Variants in SHTN1 observed in about 807,000 individuals in gnomAD.
SHTN1 encodes the protein shootin 1.
Under a neutral mutation model 83.1 loss-of-function variants are expected in SHTN1, and 42 were observed. The observed-to-expected ratio is 0.51, with a 90% CI of 0.39 to 0.65. The LOEUF (loss-of-function observed/expected upper bound fraction) is 0.65. Among genes scored for constraint, SHTN1 ranks in the 30% least tolerant of loss-of-function variants. The probability of loss-of-function intolerance (pLI) is 0.00; values close to 1 mark genes in which losing one functional copy is unlikely to be tolerated. For synonymous variants in SHTN1, 224 were observed against 247.7 expected (o/e 0.90, Z 0.90); for missense variants, 622 against 737.8 (o/e 0.84, Z 1.82).
Position 116,893,576 on chromosome 10 carries a change from G to GCGCACACACACACACACACA in SHTN1, c.1674-7011_1674-7010insTGTGTGTGTGTGTGTGTGCG, listed in dbSNP as rs1554905664. ...CCCCCTCCCTGATAGGCACTCATGT[G>GCGCACACACACACACACACA]CACACACACACACACACACACGAGA... On this transcript the variant is annotated intron_variant, in intron 16 of 16. Transcript: ENST00000355371. 4.8e-3 allele frequency among the ~76,000 whole-genome samples: 599 copies of GCGCACACACACACACACACA among 123,592 alleles called. 17 individuals carry two copies. The East Asian group carries it at 0.091, about 19-fold the overall frequency. The allele number at this position is 123,592 out of a possible 152,430, so 81.1% of individuals were successfully genotyped here. A position where few individuals can be genotyped will look rare whatever the true frequency, so the allele number is the denominator to read the frequency against.
intron 1 of SHTN1, among the ~76,000 whole-genome samples, chr10:117,065,761 A>G (rs564966460): frequency 9.1e-5 from 6 of 65,708 alleles, no homozygotes; most frequent in African/African-American, 4.3e-4. Flanking sequence ...AGAAAGAAAG[A>G]AAGAAAGAAA....
intron 1 of SHTN1, among the ~76,000 whole-genome samples, chr10:117,049,853 T>C (rs186412792): frequency 6.6e-6 from 1 of 152,286 alleles, no homozygotes; most frequent in Admixed American, 6.5e-5. Flanking sequence ...ATGTGGGACA[T>C]AGCTAAAGTA....
In SHTN1 at chr10:116,915,524, A is replaced by G. The variant is rs760408323; in HGVS notation, c.1196-40T>C. ...CAGACATAAATCCTCTTATGTTACA[A>G]GAAAACAGCTACTTCCTATTTTTGG... On this transcript the variant is annotated intron_variant, in intron 12 of 16. Transcript: ENST00000355371. 1.7e-5 allele frequency: 19 copies of G among 1,116,254 alleles called. No individual in the cohort carries two copies. In the African/African-American group the frequency reaches 2.2e-4, roughly 13 times the overall value. The allele number at this position is 1,116,254 out of a possible 1,614,324, so 69.1% of individuals were successfully genotyped here.
At chr10:116,913,148 C>CTGACTT (rs1848266796) in intron 13 of SHTN1, among the ~76,000 whole-genome samples, 1 of 152,182 alleles carries the variant, frequency 6.6e-6, no homozygotes, top group Non-Finnish European at 1.5e-5. Flanking sequence ...GCAGGTCAAC[C>CTGACTT]CTTCAGGTGA....
At chr10:116,967,965 C>T (rs1589852816) in intron 3 of SHTN1, among the ~76,000 whole-genome samples, 1 of 152,254 alleles carries the variant, frequency 6.6e-6, no homozygotes, top group African/African-American at 2.4e-5. Context: ...AGGAGGATCA[C>T]GAGGTCAAGA....
intron 1 of SHTN1, among the ~76,000 whole-genome samples, chr10:116,988,510 T>C (rs1851303124): frequency 6.7e-6 from 1 of 148,582 alleles, no homozygotes; most frequent in Non-Finnish European, 1.5e-5. Context: ...TTATTTTTTA[T>C]ATTTTATCTT....
chr10:117,099,814 G>C (rs990257982), intron 1 of SHTN1, among the ~76,000 whole-genome samples: 7 of 152,070 alleles, frequency 4.6e-5, no homozygotes, highest in Admixed American at 4.6e-4. Flanking sequence ...ACCAAGCTGA[G>C]TGGCTCTAGA....
At chr10:117,026,799 G>T (rs1852338698) in intron 2 of SHTN1, among the ~76,000 whole-genome samples, 1 of 152,306 alleles carries the variant, frequency 6.6e-6, no homozygotes, top group African/African-American at 2.4e-5. Flanking sequence ...GCCCAGGGCT[G>T]GGGAGAACTC....
upstream of SHTN1, chr10:117,005,450 C>T (rs746139009): frequency 6.7e-6 from 7 of 1,050,476 alleles, no homozygotes; most frequent in Non-Finnish European, 8.0e-6. Flanking sequence ...TCCGCCTCCA[C>T]CTCCCGGACT....
intron 2 of SHTN1, among the ~76,000 whole-genome samples, chr10:116,977,669 T>TGTGTGTGG (rs1554923524): frequency 6.6e-6 from 1 of 151,166 alleles, no homozygotes; most frequent in African/African-American, 2.4e-5. Flanking sequence ...ACTCTGTGTG[T>TGTGTGTGG]GTGTGTGTGT....
At chr10:117,002,831 A>T (rs1851870518) in intron 1 of SHTN1, among the ~76,000 whole-genome samples, 1 of 152,246 alleles carries the variant, frequency 6.6e-6, no homozygotes, top group Admixed American at 6.5e-5. Flanking sequence ...ACCTTTTAAG[A>T]AACACAACTT....
At chr10:116,907,107 AC>A (rs1431055231) in intron 14 of SHTN1, among the ~76,000 whole-genome samples, 3 of 152,152 alleles carry the variant, frequency 2.0e-5, no homozygotes, top group Non-Finnish European at 4.4e-5. Flanking sequence ...TATTAAACTC[AC>A]CTTAGAAGGA....
At chr10:117,052,269 A>T (rs1398097459) in intron 1 of SHTN1, among the ~76,000 whole-genome samples, 1 of 151,890 alleles carries the variant, frequency 6.6e-6, no homozygotes, top group Non-Finnish European at 1.5e-5. Flanking sequence ...TTACTAAAAG[A>T]AAATTTTAAA....
intron 1 of SHTN1, among the ~76,000 whole-genome samples, chr10:117,052,823 TC>T (rs1354281014): frequency 1.3e-5 from 2 of 150,882 alleles, no homozygotes; most frequent in African/African-American, 2.4e-5. Context: ...ATCGAGACCA[TC>T]CTGGCTAACA....
At chr10:117,018,052 GGACTAAGCAGACATGAT>G (rs1852205946) in intron 2 of SHTN1, among the ~76,000 whole-genome samples, 1 of 152,114 alleles carries the variant, frequency 6.6e-6, no homozygotes, top group Non-Finnish European at 1.5e-5. Flanking sequence ...AGACCAGAAG[GGACTAAGCAGACATGAT>G]GACTACAATT....
At chr10:116,911,497 A>G (rs1233754517) in intron 14 of SHTN1, 1 of 1,550,412 alleles carries the variant, frequency 6.4e-7, no homozygotes, top group Non-Finnish European at 8.7e-7. Flanking sequence ...ACATATGGCC[A>G]GCCACTTCAT....
chr10:117,001,766 TA>T (rs1308240051), intron 1 of SHTN1, among the ~76,000 whole-genome samples: 15 of 152,332 alleles, frequency 9.8e-5, no homozygotes, highest in Admixed American at 7.2e-4. Context: ...ATTGAAATGA[TA>T]AATACTGGAG....
chr10:116,989,157 T>C, intron 1 of SHTN1, among the ~76,000 whole-genome samples: 1 of 152,208 alleles, frequency 6.6e-6, no homozygotes, highest in East Asian at 1.9e-4. Context: ...AATTATTATA[T>C]TTAGTAAACT....
chr10:117,107,461 A>T (rs1186847830), intron 1 of SHTN1, among the ~76,000 whole-genome samples: 1 of 31,628 alleles, frequency 3.2e-5, no homozygotes, highest in East Asian at 5.8e-4. Flanking sequence ...GAAGCAAATC[A>T]CAACACATAT....
Sources: allele counts gnomAD v4.1 joint callset (sites outside exome capture counted in the v4.1 genomes callset), GRCh38; gene constraint gnomAD v4.1.1; transcripts MANE v1.5; gene names NCBI Gene and HGNC (gene_info 2026-07-23, HGNC 2026-07-21).